The following SHOC2 variants were observed in gnomAD, a reference collection of about 807,000 sequenced individuals.
SHOC2 encodes the protein leucine-rich repeat protein SHOC-2.
In SHOC2, 4 loss-of-function variants were observed where a neutral mutation model predicts 50.2. That is an observed-to-expected ratio of 0.08 (90% confidence interval 0.04 to 0.18). The LOEUF is 0.18. Among genes scored for constraint, SHOC2 ranks in the 10% least tolerant of loss-of-function variants. The pLI, the probability that SHOC2 is intolerant of heterozygous loss-of-function variation, is 1.00. For synonymous variants in SHOC2, 218 were observed against 244.5 expected (o/e 0.89, Z 1.01); for missense variants, 388 against 669.6 (o/e 0.58, Z 4.64).
At position 110,964,769 on chromosome 10, in the gene SHOC2, C is replaced by A; in HGVS notation, c.411C>A (p.Ser137=). The A allele has an allele frequency of 6.2e-7, 1 of 1,613,986 alleles. No homozygotes were observed. Among genetic ancestry groups the A allele is most frequent in the South Asian group, 1.1e-5 (1 of 91,074 alleles). Residue 137 remains serine (S), a synonymous_variant, in exon 2 of 9, where the codon TCC becomes TCA. Coordinates refer to ENST00000369452, the MANE Select transcript of SHOC2 (RefSeq NM_007373.4). The surrounding 1 kb of genome is among the most constrained non-coding windows in gnomAD (Gnocchi z 4.9). ...ATTTATACAGTAACAAATTGCAGTC[C>A]CTCCCAGCAGAGGTGGGATGTTTAG... ...ELYLYSNKLQ[S]LPAEVGCLVN...
At chr10:110,922,543 A>T (rs547171286) in intron 1 of SHOC2, among the ~76,000 whole-genome samples, 13 of 152,200 alleles carry the variant, frequency 8.5e-5, no homozygotes, top group Admixed American at 3.9e-4. Flanking sequence ...AGATATAAGG[A>T]TGCATATTTT....
intron 4 of SHOC2, among the ~76,000 whole-genome samples, chr10:111,002,667 A>G (rs1848399925): frequency 6.6e-6 from 1 of 152,162 alleles, no homozygotes; most frequent in Non-Finnish European, 1.5e-5. Flanking sequence ...GTTACTTTAA[A>G]TATTTTTCTG....
At chr10:110,972,509 G>C (rs986453109) in intron 2 of SHOC2, among the ~76,000 whole-genome samples, 1 of 152,146 alleles carries the variant, frequency 6.6e-6, no homozygotes, top group Non-Finnish European at 1.5e-5. Flanking sequence ...ACTTATTACT[G>C]TTAGGAAATT....
intron 1 of SHOC2, among the ~76,000 whole-genome samples, chr10:110,959,136 A>G (rs1445256440): frequency 2.0e-5 from 3 of 152,236 alleles, no homozygotes; most frequent in Non-Finnish European, 4.4e-5. Context: ...TTAAGTGTTC[A>G]GGCACAATAC....
chr10:110,921,979 A>G (rs1407868167), intron 1 of SHOC2, among the ~76,000 whole-genome samples: 1 of 150,884 alleles, frequency 6.6e-6, no homozygotes, highest in Non-Finnish European at 1.5e-5. Flanking sequence ...TTTTTTTTTT[A>G]GTTTTTAAAC....
rs180835039 is a variant in SHOC2 at position 111,001,220 on chromosome 10, C to T, written c.972+675C>T. Reference sequence around the variant, plus strand: ...TTGCCCAGGCTGGAGTGCAATGGCGCGATCTTGGCTCGGCTGCAACCTCTG... The same window carrying T: ...TTGCCCAGGCTGGAGTGCAATGGCGTGATCTTGGCTCGGCTGCAACCTCTG... On this transcript the variant is annotated intron_variant, in intron 4 of 8. Coordinates refer to ENST00000369452, the MANE Select transcript of SHOC2 (RefSeq NM_007373.4). Among the ~76,000 whole-genome samples the T allele has an allele frequency of 6.1e-5, 9 of 147,892 alleles. No individual in the cohort carries two copies. In the East Asian group the frequency reaches 9.9e-4, roughly 16 times the overall value.
At chr10:110,932,181 G>A (rs1846908729) in intron 1 of SHOC2, among the ~76,000 whole-genome samples, 1 of 152,196 alleles carries the variant, frequency 6.6e-6, no homozygotes, top group African/African-American at 2.4e-5. Context: ...GCCATGGGAT[G>A]TGAAAGAAGT....
rs186844229 is a variant in SHOC2 at position 110,928,578 on chromosome 10, A to G, written c.-235+8921A>G. 3.2e-3 allele frequency among the ~76,000 whole-genome samples: 483 copies of G among 152,250 alleles called. 25 individuals carry two copies. In the South Asian group the frequency reaches 0.092, roughly 29 times the overall value. ...GATAAAAGGTTTTATGATATGAAAA[A>G]GGATGGACTTAAATTTGCTTTAAAC... On this transcript the variant is annotated intron_variant, in intron 1 of 8. Transcript: ENST00000369452.
chr10:111,011,686 C>T lies in SHOC2; in HGVS notation c.1617C>T (p.Leu539=). ...ATAGCCTTCCCTTTGAGCTGGCACT[C>T]TGCAGCAAGCTTTCAATCATGAGTA... The part of the protein sequence containing the change: ...NLHSLPFELA[L]CSKLSIMSIE... The change falls in exon 9 of 9, where the codon CTC becomes CTT. Residue 539 remains leucine (L), a synonymous_variant. Transcript: ENST00000369452. The T allele has an allele frequency of 6.2e-7, 1 of 1,613,890 alleles. No individual in the cohort carries two copies. Among genetic ancestry groups the T allele is most frequent in the Non-Finnish European group, 8.5e-7 (1 of 1,179,874 alleles).
chr10:110,923,765 A>T (rs923689132), intron 1 of SHOC2, among the ~76,000 whole-genome samples: 1 of 152,220 alleles, frequency 6.6e-6, no homozygotes, highest in Non-Finnish European at 1.5e-5. Flanking sequence ...ATGTGAAATG[A>T]ACCTGACATA....
At chr10:110,927,304 A>G (rs942118413) in intron 1 of SHOC2, among the ~76,000 whole-genome samples, 2 of 152,190 alleles carry the variant, frequency 1.3e-5, no homozygotes, top group Non-Finnish European at 2.9e-5. Context: ...TTCTGGTTCA[A>G]ATAAATTACA....
chr10:110,963,296 T>C (rs1373621998), intron 1 of SHOC2, among the ~76,000 whole-genome samples: 1 of 152,220 alleles, frequency 6.6e-6, no homozygotes, highest in Admixed American at 6.5e-5. Context: ...AGACTTTTTC[T>C]GCTTTTAAGA....
chr10:111,009,620 T>A, intron 7 of SHOC2, 93 bp from the exon 8 acceptor site: 1 of 877,788 alleles, frequency 1.1e-6, no homozygotes, highest in Non-Finnish European at 1.9e-6. Context: ...GTTTCCCTGT[T>A]AATTTATTTT....
chr10:110,927,124 T>A (rs1375118409), intron 1 of SHOC2, among the ~76,000 whole-genome samples: 1 of 152,250 alleles, frequency 6.6e-6, no homozygotes, highest in Non-Finnish European at 1.5e-5. Flanking sequence ...GCTTAATTCC[T>A]TGGCATTGCC....
intron 1 of SHOC2, among the ~76,000 whole-genome samples, chr10:110,958,335 T>G (rs1461308135): frequency 6.6e-6 from 1 of 152,028 alleles, no homozygotes; most frequent in Non-Finnish European, 1.5e-5. Flanking sequence ...TGCCTCAGCC[T>G]CCTGAGTAGC....
chr10:110,936,523 T>C (rs1847015446), intron 1 of SHOC2: 2 of 611,392 alleles, frequency 3.3e-6, no homozygotes, highest in Non-Finnish European at 5.7e-6. Flanking sequence ...AATTTTACTA[T>C]TGCAGTATTT....
At position 110,950,624 on chromosome 10, in the gene SHOC2, A is replaced by G. The variant is rs145688620; in HGVS notation, c.-234-13501A>G. Among the ~76,000 whole-genome samples the G allele has an allele frequency of 3.3e-5, 5 of 152,308 alleles. No homozygotes were observed. The East Asian group carries it at 9.6e-4, about 29-fold the overall frequency. ...ATGCCTCCATAATTGTTCAAAATAT[A>G]CTACAAACCTAGTAATCCAAACAGT... On this transcript the variant is annotated intron_variant, in intron 1 of 8. Coordinates refer to ENST00000369452, the MANE Select transcript of SHOC2 (RefSeq NM_007373.4).
intron 1 of SHOC2, among the ~76,000 whole-genome samples, chr10:110,941,659 G>C (rs532701760): frequency 2.0e-5 from 3 of 152,098 alleles, no homozygotes; most frequent in African/African-American, 4.8e-5. Context: ...ATGTTTAAAT[G>C]TAAGACTTTT....
At chr10:110,968,832 G>A (rs1048805555) in intron 2 of SHOC2, among the ~76,000 whole-genome samples, 4 of 151,984 alleles carry the variant, frequency 2.6e-5, no homozygotes, top group African/African-American at 7.2e-5. Flanking sequence ...TTAAAATTAG[G>A]AGTTTTCGAA....
Sources: gnomAD v4.1 joint callset for allele counts (sites outside exome capture counted in the v4.1 genomes callset) on GRCh38, gnomAD v4.1.1 for gene constraint, Gnocchi (gnomAD v3.1) non-coding constraint, MANE v1.5 for transcripts, NCBI Gene and HGNC (gene_info 2026-07-23, HGNC 2026-07-21) for gene names.